CDH15: variants seen among roughly 807,000 people sequenced by gnomAD.
The protein encoded by CDH15 is cadherin 15, also known as cadherin-15.
Under a neutral mutation model 69.4 loss-of-function variants are expected in CDH15, and 73 were observed. That is an observed-to-expected ratio of 1.05 (90% CI 0.87 to 1.28). CDH15 has a LOEUF of 1.28. Among genes scored for constraint, CDH15 ranks in the 50% most tolerant of loss-of-function variants. The pLI is 0.00. For synonymous variants in CDH15, 624 were observed against 507.7 expected (o/e 1.23, Z -3.08); for missense variants, 1,343 against 1,133.6 (o/e 1.18, Z -2.65).
intron 4 of CDH15, 130 bp downstream of exon 4, chr16:89,183,822 C>T: frequency 1.0e-6 from 1 of 986,146 alleles, no homozygotes; most frequent in South Asian, 1.7e-5. Context: ...GTCTCCGAGG[C>T]AGGTCCGTTT....
At chr16:89,176,419 C>T (rs534128280) in intron 1 of CDH15, among the ~76,000 whole-genome samples, 7 of 152,290 alleles carry the variant, frequency 4.6e-5, no homozygotes, top group Admixed American at 1.3e-4. Context: ...TCTGACCCCC[C>T]GGTTCTCGGT....
At chr16:89,172,515 C>G (rs957133331) in intron 1 of CDH15, among the ~76,000 whole-genome samples, 1 of 152,144 alleles carries the variant, frequency 6.6e-6, no homozygotes, top group Non-Finnish European at 1.5e-5. Context: ...CCTGCCGCAG[C>G]TGCCTGGGGT....
chr16:89,185,613 A>G (rs1915467056), intron 5 of CDH15: 1 of 524,868 alleles, frequency 1.9e-6, no homozygotes, highest in Non-Finnish European at 3.5e-6. Context: ...TCTCAGCCTC[A>G]TGGCAACGGC....
At chr16:89,175,441 C>G (rs1470371016) in intron 1 of CDH15, among the ~76,000 whole-genome samples, 1 of 152,238 alleles carries the variant, frequency 6.6e-6, no homozygotes, top group African/African-American at 2.4e-5. Context: ...TCTCAGACCC[C>G]ACGTGACTCC....
chr16:89,190,720 T>C (rs1056907342), intron 8 of CDH15, among the ~76,000 whole-genome samples: 1 of 152,058 alleles, frequency 6.6e-6, no homozygotes, highest in Non-Finnish European at 1.5e-5. Flanking sequence ...TGCACGCCAG[T>C]CTGTCCCTGC....
At chr16:89,187,925 C>G (rs1915525761) in intron 6 of CDH15, among the ~76,000 whole-genome samples, 175 bp from the exon 7 acceptor site, 1 of 147,892 alleles carries the variant, frequency 6.8e-6, no homozygotes, top group South Asian at 2.1e-4. Flanking sequence ...ACAAAACAGA[C>G]AAACCTGAGG....
intron 3 of CDH15, chr16:89,183,268 G>A (rs998862291): frequency 8.9e-6 from 4 of 448,044 alleles, no homozygotes; most frequent in Middle Eastern, 6.1e-4. Flanking sequence ...AACCCTCTGA[G>A]AGCCTTACTT....
At position 89,193,493 on chromosome 16, in the gene CDH15, C is replaced by T. The variant is rs369403714; in HGVS notation, c.1879C>T (p.Arg627Trp). 12 of 1,611,668 alleles carry T rather than the reference C, an allele frequency of 7.4e-6. No homozygotes were observed. In the Middle Eastern group the frequency reaches 6.7e-4, roughly 90 times the overall value. ...LLVLVLLVAL[R>W]ARFWKQSRGK... Reference sequence around the variant, plus strand: ...AGTGCTGGTCCTGCTCGTGGCACTCCGGGCGCGGTTCTGGAAGCAGTCTCG... The same window carrying T: ...AGTGCTGGTCCTGCTCGTGGCACTCTGGGCGCGGTTCTGGAAGCAGTCTCG... Residue 627 changes from arginine to tryptophan, a missense_variant, in exon 12 of 14, where the codon CGG becomes TGG. Arg to Trp is a moderately radical substitution (Grantham distance 101). Coordinates refer to ENST00000289746, the MANE Select transcript of CDH15 (RefSeq NM_004933.3).
At chr16:89,180,969 C>A (rs1915364276) in intron 3 of CDH15, among the ~76,000 whole-genome samples, 1 of 96,088 alleles carries the variant, frequency 1.0e-5, no homozygotes, top group Non-Finnish European at 2.1e-5. Context: ...GCCACCGCGC[C>A]CGACCTTTTT....
In CDH15 at chr16:89,179,649, G is replaced by A. The variant is rs150882466; in HGVS notation, c.201+75G>A. ...AGTGGGCCTCCCTCATTCTCTAAAG[G>A]TCTCCTGGGAGCCAGCGGGGCCCCA... On this transcript the variant is annotated intron_variant, in intron 2 of 13. Transcript: ENST00000289746. 5.9e-5 allele frequency: 86 copies of A among 1,448,952 alleles called. No homozygotes were observed. The African/African-American group carries it at 1.2e-3, about 20-fold the overall frequency. 89.8% of individuals were successfully genotyped at this position (1,448,952 alleles called of 1,614,324 possible).
rs770732774 is a variant in CDH15 at position 89,194,908 on chromosome 16, C to T, written c.2198C>T (p.Thr733Ile). ...DSDPSVPPYD[T>I]ALIYDYEGDG... Reference sequence around the variant, plus strand: ...GACCCCAGTGTGCCGCCTTACGACACAGCCCTCATCTATGACTACGAGGGT... The same window carrying T: ...GACCCCAGTGTGCCGCCTTACGACATAGCCCTCATCTATGACTACGAGGGT... The change falls in exon 14 of 14, where the codon ACA becomes ATA. Residue 733 changes from threonine to isoleucine, a missense_variant. Transcript: ENST00000289746. The T allele has an allele frequency of 8.1e-6, 13 of 1,607,926 alleles. 1 individual carries two copies. The highest frequency in any genetic ancestry group is 1.7e-4 in the Middle Eastern group (1 of 6,046).
chr16:89,177,516 G>A (rs1915283857), intron 1 of CDH15, among the ~76,000 whole-genome samples: 1 of 152,122 alleles, frequency 6.6e-6, no homozygotes, highest in South Asian at 2.1e-4. Context: ...CGGGAGCCTG[G>A]CGACCCCCAG....
chr16:89,179,524 C>T lies in CDH15; in HGVS notation c.151C>T (p.Pro51Ser), dbSNP rs1398397019. 6.2e-7 allele frequency: 1 copy of T among 1,612,380 alleles called. No homozygotes were observed. Among genetic ancestry groups the T allele is most frequent in the Non-Finnish European group, 8.5e-7 (1 of 1,179,260 alleles). Residue 51 changes from proline (P) to serine (S), a missense_variant, in exon 2 of 14, where the codon CCG becomes TCG. Coordinates refer to ENST00000289746, the MANE Select transcript of CDH15 (RefSeq NM_004933.3). Reference protein sequence around the residue: ...SRVRRAWVIPPISVSENHKRL... With the variant: ...SRVRRAWVIPSISVSENHKRL... ...CGTGCGGAGGGCCTGGGTCATCCCC[C>T]CGATCAGCGTATCCGAGAACCACAA...
intron 1 of CDH15, among the ~76,000 whole-genome samples, chr16:89,174,235 A>G (rs1246272153): frequency 1.3e-5 from 2 of 152,240 alleles, no homozygotes; most frequent in African/African-American, 2.4e-5. Flanking sequence ...GGCCAGGCCA[A>G]CAGCTGGGGC....
chr16:89,185,470 C>T (rs1025098892), intron 5 of CDH15, 137 bp downstream of exon 5: 3 of 1,018,208 alleles, frequency 2.9e-6, no homozygotes, highest in African/African-American at 3.2e-5. Context: ...GGCCCTGGCT[C>T]CTGAGGAGAT....
intron 13 of CDH15, among the ~76,000 whole-genome samples, chr16:89,194,132 CTT>C (rs1453085736): frequency 6.6e-6 from 1 of 152,252 alleles, no homozygotes; most frequent in Non-Finnish European, 1.5e-5. Flanking sequence ...CGACGCGGGT[CTT>C]TGCACAGATG....
chr16:89,193,682 G>A (rs1012656449), intron 12 of CDH15, 73 bp from the exon 13 acceptor site: 2 of 1,570,872 alleles, frequency 1.3e-6, no homozygotes, highest in African/African-American at 1.4e-5. Context: ...AAGCTGGCCA[G>A]GAGCCTGTAC....
In CDH15 at chr16:89,194,994, G is replaced by C. The variant is rs755595127; in HGVS notation, c.2284G>C (p.Asp762His). The change falls in exon 14 of 14, where the codon GAC becomes CAC. Residue 762 changes from aspartate to histidine, a missense_variant. By Grantham distance (81) the Asp-to-His change is moderately conservative. Transcript: ENST00000289746. ...ILSSQGDEDQ[D>H]YDYLRDWGPR... The stretch of plus-strand genomic sequence containing the variant: ...GTCCAGCCAGGGCGATGAGGACCAG[G>C]ACTACGACTACCTCAGAGACTGGGG... The C allele has an allele frequency of 5.6e-6, 9 of 1,611,856 alleles. No individual in the cohort carries two copies. In the African/African-American group the frequency reaches 1.2e-4, roughly 22 times the overall value.
At chr16:89,186,872 G>A (rs373411683) in intron 5 of CDH15, among the ~76,000 whole-genome samples, 9 of 146,182 alleles carry the variant, frequency 6.2e-5, no homozygotes, top group African/African-American at 1.0e-4. Flanking sequence ...CTTACCCAGC[G>A]CACAGTAGGT....
Sources: allele counts gnomAD v4.1 joint callset (sites outside exome capture counted in the v4.1 genomes callset), GRCh38; gene constraint gnomAD v4.1.1; transcripts MANE v1.5; gene names NCBI Gene and HGNC (gene_info 2026-07-23, HGNC 2026-07-21).